The following AGBL2 variants were observed in gnomAD, a reference collection of about 807,000 sequenced individuals.
AGBL2 encodes AGBL carboxypeptidase 2.
In AGBL2, 87 loss-of-function variants were observed where a neutral mutation model predicts 103.0. The ratio of observed to expected loss-of-function variants is 0.84; its 90% CI spans 0.71 to 1.01. The LOEUF (loss-of-function observed/expected upper bound fraction) is 1.01, where lower values mean the gene tolerates loss of function less well. AGBL2 is among the 50% of genes least tolerant of loss of function. The pLI, the probability that AGBL2 is intolerant of heterozygous loss-of-function variation, is 0.00. For synonymous variants in AGBL2, 335 were observed against 356.7 expected, an observed-to-expected ratio of 0.94 and a Z score of 0.69; for missense variants, 904 against 1,023.5, an observed-to-expected ratio of 0.88 and a Z score of 1.59.
chr11:47,692,057 C>T (rs1273567317), intron 9 of AGBL2, 46 bp downstream of exon 9: 3 of 1,554,248 alleles, frequency 1.9e-6, no homozygotes, highest in Non-Finnish European at 2.6e-6. Flanking sequence ...CTGAAGACAC[C>T]TTCTAGTCAC....
chr11:47,707,432 G>C lies in AGBL2; in HGVS notation c.233-1515C>G, dbSNP rs11039350. Reference sequence around the variant, plus strand: ...CATGGCAGAAGGCAAGGAGGAGCAAGTCATGTCTTAAATAAATGGCACCAG... The same window carrying C: ...CATGGCAGAAGGCAAGGAGGAGCAACTCATGTCTTAAATAAATGGCACCAG... On this transcript the variant is annotated intron_variant, in intron 4 of 18. Transcript: ENST00000525123. Among the ~76,000 whole-genome samples the C allele has an allele frequency of 6.2e-3, 944 of 152,294 alleles. 10 individuals are homozygous for C. The highest frequency in any genetic ancestry group is 0.022 in the African/African-American group (914 of 41,562).
At chr11:47,694,067 G>A (rs2097458071) in intron 8 of AGBL2, among the ~76,000 whole-genome samples, 2 of 152,106 alleles carry the variant, frequency 1.3e-5, no homozygotes, top group Non-Finnish European at 2.9e-5. Flanking sequence ...GGGTGGTGGT[G>A]TGCACCTGTA....
Position 47,704,651 on chromosome 11 carries a change from G to A in AGBL2, c.478C>T (p.Leu160Phe). The change falls in exon 7 of 19, where the codon CTT becomes TTT. Residue 160 changes from leucine (L) to phenylalanine (F), a missense_variant. Leu to Phe is a conservative substitution (Grantham distance 22). Coordinates refer to ENST00000525123, the MANE Select transcript of AGBL2 (RefSeq NM_024783.4). ...YDELDEVNPRLREPQELFSIL... is the reference protein window; with the variant it reads ...YDELDEVNPRFREPQELFSIL... ...GAAAAGAGCTCTTGGGGTTCTCGAA[G>A]ACGTGGGTTTACTTCATCCAACTCA... 6.2e-7 allele frequency: 1 copy of A among 1,614,068 alleles called. No homozygotes were observed. Among genetic ancestry groups the A allele is most frequent in the East Asian group, 2.2e-5 (1 of 44,872 alleles).
chr11:47,695,475 C>CACAA (rs2097464884), intron 8 of AGBL2, among the ~76,000 whole-genome samples: 1 of 76,196 alleles, frequency 1.3e-5, no homozygotes, highest in Non-Finnish European at 2.4e-5. Context: ...AACTCTGTCT[C>CACAA]AAAAAAAAAA....
chr11:47,691,729 A>AAAAAAAAAAAAAAAAATACATATATAT, intron 9 of AGBL2, among the ~76,000 whole-genome samples: 1 of 4,850 alleles, frequency 2.1e-4, no homozygotes, highest in Non-Finnish European at 3.6e-4. Context: ...AAAAAAAAAA[A>AAAAAAAAAAAAAAAAATACATATATAT]ATATATATAT....
At chr11:47,679,757 T>C (rs866916414) in intron 13 of AGBL2, among the ~76,000 whole-genome samples, 9 of 151,828 alleles carry the variant, frequency 5.9e-5, no homozygotes, top group Admixed American at 4.6e-4. Context: ...TTCTCCTGCC[T>C]CAGCCTCCCG....
intron 15 of AGBL2, 52 bp from the exon 16 acceptor site, chr11:47,667,748 AC>A: frequency 6.3e-7 from 1 of 1,585,296 alleles, no homozygotes. Flanking sequence ...AACTAGGCCC[AC>A]CCACATGTGG....
chr11:47,698,966 CA>C (rs5791781), intron 8 of AGBL2, among the ~76,000 whole-genome samples: 1,310 of 117,466 alleles, frequency 0.011, 27 homozygotes, highest in Admixed American at 0.066. Flanking sequence ...GTAGGAATGG[CA>C]AAAAAAAAAA....
intron 8 of AGBL2, among the ~76,000 whole-genome samples, chr11:47,696,027 AAAAAAAAAAG>A (rs1281639633): frequency 0.067 from 2,553 of 37,976 alleles, 83 homozygotes; most frequent in African/African-American, 0.19. Context: ...AAAAAAAAAA[AAAAAAAAAAG>A]AAAAAAAAAA....
rs1457141833 is a variant in AGBL2, at chr11:47,710,521, G to T, written c.98-10C>A. On this transcript the variant is annotated splice_polypyrimidine_tract_variant and intron_variant, in intron 3 of 18. Transcript: ENST00000525123. ...AAACTGCCTCTCTGAGCTAAAAATTGGCAGTTTAATTAAAGTTGCTGGAAG... is the reference window on the plus strand; with the variant it reads ...AAACTGCCTCTCTGAGCTAAAAATTTGCAGTTTAATTAAAGTTGCTGGAAG... 6.2e-7 allele frequency: 1 copy of T among 1,613,792 alleles called. No homozygotes were observed. Among genetic ancestry groups the T allele is most frequent in the Non-Finnish European group, 8.5e-7 (1 of 1,179,998 alleles).
At chr11:47,706,889 T>G (rs2097522138) in intron 4 of AGBL2, among the ~76,000 whole-genome samples, 1 of 30,916 alleles carries the variant, frequency 3.2e-5, no homozygotes, top group African/African-American at 9.0e-5. Flanking sequence ...TCTCTACTAT[T>G]CCAAAAAAAA....
At chr11:47,678,109 G>A (rs1188373204) in intron 13 of AGBL2, among the ~76,000 whole-genome samples, 1 of 151,370 alleles carries the variant, frequency 6.6e-6, no homozygotes, top group African/African-American at 2.4e-5. Context: ...GACTACAGGC[G>A]CACACCACCA....
chr11:47,685,794 A>G (rs2097421272), intron 11 of AGBL2, 99 bp downstream of exon 11: 1 of 1,283,982 alleles, frequency 7.8e-7, no homozygotes, highest in Admixed American at 2.3e-5. Flanking sequence ...CAAAGATAAT[A>G]AAAAGAGATA....
intron 14 of AGBL2, among the ~76,000 whole-genome samples, chr11:47,669,323 C>T (rs1310536373): frequency 6.6e-6 from 1 of 152,172 alleles, no homozygotes; most frequent in Non-Finnish European, 1.5e-5. Context: ...TTGCCTCAGC[C>T]TCTTAAAGTA....
chr11:47,711,296 A>C (rs2097535781), intron 3 of AGBL2, among the ~76,000 whole-genome samples: 1 of 152,042 alleles, frequency 6.6e-6, no homozygotes, highest in African/African-American at 2.4e-5. Context: ...CGAAGAGGAG[A>C]CTAAAAATTG....
chr11:47,669,407 C>T (rs1029119255), intron 14 of AGBL2, among the ~76,000 whole-genome samples: 5 of 152,134 alleles, frequency 3.3e-5, no homozygotes, highest in East Asian at 1.9e-4. Context: ...CGGTGGCACA[C>T]GCCTGTAATC....
chr11:47,685,839 A>T, intron 11 of AGBL2, 54 bp downstream of exon 11: 1 of 1,533,400 alleles, frequency 6.5e-7, no homozygotes, highest in Non-Finnish European at 8.9e-7. Context: ...TATAGGAAGC[A>T]GTGAGTTCCC....
At chr11:47,708,639 C>T (rs187374141) in intron 4 of AGBL2, among the ~76,000 whole-genome samples, 2,001 of 150,130 alleles carry the variant, frequency 0.013, 13 homozygotes, top group Non-Finnish European at 0.022. Context: ...CATGGTGAAA[C>T]CCCGTCTCTA....
At position 47,699,571 on chromosome 11, in the gene AGBL2, A is replaced by C; in HGVS notation, c.587-18T>G. 7.1e-7 allele frequency: 1 copy of C among 1,408,374 alleles called. No individual in the cohort carries two copies. Among genetic ancestry groups the C allele is most frequent in the South Asian group, 1.2e-5 (1 of 82,272 alleles). 87.2% of individuals were successfully genotyped at this position (1,408,374 alleles called of 1,614,324 possible). ...AGCCCACTCTGAAAGAAGACATTTT[A>C]AAAAGTACAAAATAAGAAATAATGT... On this transcript the variant is annotated intron_variant, in intron 7 of 18. Transcript: ENST00000525123.
Sources: allele counts gnomAD v4.1 joint callset (sites outside exome capture counted in the v4.1 genomes callset), GRCh38; gene constraint gnomAD v4.1.1; transcripts MANE v1.5; gene names NCBI Gene and HGNC (gene_info 2026-07-23, HGNC 2026-07-21).